TMEM232: variants seen among roughly 807,000 people sequenced by gnomAD.
TMEM232 encodes transmembrane protein 232.
In TMEM232, 80 loss-of-function variants were observed where a neutral mutation model predicts 78.8. The ratio of observed to expected loss-of-function variants is 1.01; its 90% CI spans 0.85 to 1.22. The LOEUF is 1.22. Ranked by LOEUF, TMEM232 falls within the 50% of genes most tolerant of loss-of-function variation. TMEM232 has a pLI of 0.00. For synonymous variants in TMEM232, 297 were observed against 254.3 expected, an observed-to-expected ratio of 1.17 and a Z score of -1.60; for missense variants, 881 against 742.2, an observed-to-expected ratio of 1.19 and a Z score of -2.17.
At chr5:110,408,051 CCAAAATCTATGGGATACAA>C (rs986164987) in intron 2 of TMEM232, among the ~76,000 whole-genome samples, 9 of 151,732 alleles carry the variant, frequency 5.9e-5, no homozygotes, top group East Asian at 1.9e-4. Context: ...ATACAACACA[CCAAAATCTATGGGATACAA>C]CAAAATCTAT....
At chr5:110,430,092 C>G in intron 12 of TMEM232, 1 of 151,058 alleles carries the variant, frequency 6.6e-6, no homozygotes, top group South Asian at 2.1e-4. Context: ...TGGATGATTC[C>G]CCAAAACTTC....
At chr5:110,698,213 A>C (rs991485567) in intron 1 of TMEM232, among the ~76,000 whole-genome samples, 2 of 151,880 alleles carry the variant, frequency 1.3e-5, no homozygotes, top group Non-Finnish European at 2.9e-5. Context: ...GCATGTTCTC[A>C]CTCATAGGTG....
chr5:110,434,832 G>C (rs182382602), intron 12 of TMEM232, among the ~76,000 whole-genome samples: 1 of 151,846 alleles, frequency 6.6e-6, no homozygotes, highest in Non-Finnish European at 1.5e-5. Context: ...ATCACATAAA[G>C]AGAAATTTAA....
Position 110,527,422 on chromosome 5 carries a change from T to C in TMEM232, c.1703+1166A>G, listed in dbSNP as rs564378213. On this transcript the variant is annotated intron_variant, in intron 12 of 13. Coordinates refer to ENST00000455884, the MANE Select transcript of TMEM232 (RefSeq NM_001039763.4). ...GATAATACCTTAGTCAAGTGAAAAA[T>C]AAATAATAAATACATAAGAAAGTAT... 8.6e-5 allele frequency among the ~76,000 whole-genome samples: 13 copies of C among 151,918 alleles called. No individual in the cohort carries two copies. In the East Asian group the frequency reaches 1.5e-3, roughly 18 times the overall value.
intron 1 of TMEM232, among the ~76,000 whole-genome samples, chr5:110,680,681 G>A (rs530510971): frequency 2.0e-5 from 3 of 152,004 alleles, no homozygotes; most frequent in African/African-American, 7.2e-5. Flanking sequence ...ATTATAGGAT[G>A]AGCATGCTAG....
chr5:110,670,731 C>A (rs1045988024), intron 1 of TMEM232, among the ~76,000 whole-genome samples: 13 of 151,972 alleles, frequency 8.6e-5, no homozygotes, highest in Non-Finnish European at 1.8e-4. Context: ...TTAATATTTT[C>A]AGGCATTTAT....
At position 110,515,120 on chromosome 5, in the gene TMEM232, C is replaced by T. The variant is rs115859880; in HGVS notation, c.1703+13468G>A. ...TGCAAATCCTTGGACTAATTAACCTCATCAAAACTCAATATCCATGTCTAT... is the reference window on the plus strand; with the variant it reads ...TGCAAATCCTTGGACTAATTAACCTTATCAAAACTCAATATCCATGTCTAT... On this transcript the variant is annotated intron_variant, in intron 12 of 13. Transcript: ENST00000455884. Among the ~76,000 whole-genome samples the T allele has an allele frequency of 2.1e-3, 321 of 152,270 alleles. 2 individuals carry two copies. Among genetic ancestry groups the T allele is most frequent in the African/African-American group, 7.3e-3 (305 of 41,540 alleles).
chr5:110,595,285 A>G (rs547958538), intron 10 of TMEM232, among the ~76,000 whole-genome samples: 1 of 152,320 alleles, frequency 6.6e-6, no homozygotes, highest in African/African-American at 2.4e-5. Context: ...AGCATCAAAG[A>G]TCAAAGGTAG....
At chr5:110,466,048 A>G (rs1025453588) in intron 12 of TMEM232, among the ~76,000 whole-genome samples, 3 of 152,262 alleles carry the variant, frequency 2.0e-5, no homozygotes, top group Non-Finnish European at 4.4e-5. Flanking sequence ...AATAATATTG[A>G]TTATGTAAAT....
intron 11 of TMEM232, among the ~76,000 whole-genome samples, chr5:110,538,938 CTTTGA>C (rs987816678): frequency 4.1e-4 from 63 of 152,240 alleles, no homozygotes; most frequent in African/African-American, 1.4e-3. Context: ...TTTACTCCTC[CTTTGA>C]TTTGTCAATT....
chr5:110,390,712 AC>A lies in TMEM232; in HGVS notation n.391-73del, dbSNP rs377730985. ...ACCTGCTTTTGTATAACATGAACAA[AC>A]TTACCTACTCTGTTGGCCTCACAAC... is the stretch of plus-strand genomic sequence containing the variant. On this transcript the variant is annotated intron_variant and non_coding_transcript_variant, in intron 3 of 8. Coordinates refer to the TMEM232 transcript ENST00000507188. 1.4e-4 allele frequency: 22 copies of A among 152,316 alleles called. No individual in the cohort carries two copies. The East Asian group carries it at 2.7e-3, about 19-fold the overall frequency. 9.4% of individuals were successfully genotyped at this position (152,316 alleles called of 1,614,324 possible).
At chr5:110,502,618 T>A (rs1766395394) in intron 12 of TMEM232, among the ~76,000 whole-genome samples, 1 of 152,140 alleles carries the variant, frequency 6.6e-6, no homozygotes, top group African/African-American at 2.4e-5. Flanking sequence ...CTGGAACTCC[T>A]CATTTGGATG....
rs1758655840 is a variant in TMEM232, at chr5:110,438,320, CA to C, written c.1704-13405del. Among the ~76,000 whole-genome samples, 8 of 151,628 alleles carry C rather than the reference CA, an allele frequency of 5.3e-5. 1 individual carries two copies. The South Asian group carries it at 1.7e-3, about 32-fold the overall frequency. ...TGGTCAGGTTTGGGCTGTGTCTGCTCAGAAATATAGAGGGGCAAAACCTACC... is the reference window on the plus strand; with the variant it reads ...TGGTCAGGTTTGGGCTGTGTCTGCTCGAAATATAGAGGGGCAAAACCTACC... On this transcript the variant is annotated intron_variant, in intron 12 of 13. Coordinates refer to ENST00000455884, the MANE Select transcript of TMEM232 (RefSeq NM_001039763.4).
chr5:110,531,095 C>G (rs1554100864), intron 11 of TMEM232, among the ~76,000 whole-genome samples: 1 of 152,150 alleles, frequency 6.6e-6, no homozygotes, highest in Non-Finnish European at 1.5e-5. Flanking sequence ...GAAATTCCTT[C>G]TCCTGGCTCA....
intron 3 of TMEM232, among the ~76,000 whole-genome samples, chr5:110,393,955 T>A (rs1755295983): frequency 1.6e-5 from 2 of 125,086 alleles, no homozygotes; most frequent in Admixed American, 8.7e-5. Flanking sequence ...TGAAACTTCA[T>A]CTCAAAAAAA....
chr5:110,637,297 A>G (rs1011439520), intron 5 of TMEM232, among the ~76,000 whole-genome samples: 1 of 151,566 alleles, frequency 6.6e-6, no homozygotes, highest in Non-Finnish European at 1.5e-5. Flanking sequence ...CGCAAAGCTC[A>G]GTTTTTTGCA....
At chr5:110,590,009 T>C (rs1478150866) in intron 10 of TMEM232, among the ~76,000 whole-genome samples, 1 of 152,160 alleles carries the variant, frequency 6.6e-6, no homozygotes, top group Non-Finnish European at 1.5e-5. Flanking sequence ...TTCCTGTAGC[T>C]TAACTCCATT....
intron 2 of TMEM232, among the ~76,000 whole-genome samples, chr5:110,659,736 A>C (rs1162507410): frequency 4.6e-5 from 7 of 152,206 alleles, no homozygotes; most frequent in African/African-American, 7.2e-5. Flanking sequence ...TCTACATAAC[A>C]GATTTGAAGA....
rs114362319 is a variant in TMEM232 at position 110,391,670 on chromosome 5, A to T, written n.391-1030T>A. ...ACTAAAGCATATTTAAGAATATTGT[A>T]CATATCGTATTTTCTTAATAAAAAT... On this transcript the variant is annotated intron_variant and non_coding_transcript_variant, in intron 3 of 8. Coordinates refer to the TMEM232 transcript ENST00000507188. Among the ~76,000 whole-genome samples, 692 of 152,312 alleles carry T rather than the reference A, an allele frequency of 4.5e-3. 5 individuals are homozygous for T. Among genetic ancestry groups the T allele is most frequent in the African/African-American group, 0.016 (673 of 41,576 alleles).
Sources: gnomAD v4.1 joint callset for allele counts (sites outside exome capture counted in the v4.1 genomes callset) on GRCh38, gnomAD v4.1.1 for gene constraint, MANE v1.5 for transcripts, NCBI Gene and HGNC (gene_info 2026-07-23, HGNC 2026-07-21) for gene names.